The following KCNAB2 variants were observed in gnomAD, a reference collection of about 807,000 sequenced individuals.
KCNAB2 encodes potassium voltage-gated channel subfamily A regulatory beta subunit 2.
Under a neutral mutation model 63.6 loss-of-function variants are expected in KCNAB2, and 29 were observed. The ratio of observed to expected loss-of-function variants is 0.46; its 90% confidence interval spans 0.34 to 0.62. The LOEUF (loss-of-function observed/expected upper bound fraction) is 0.62. KCNAB2 is among the 20% of genes least tolerant of loss of function. KCNAB2 has a pLI of 0.01. For synonymous variants in KCNAB2, 222 were observed against 224.2 expected, an observed-to-expected ratio of 0.99 and a Z score of 0.09; for missense variants, 359 against 563.9, an observed-to-expected ratio of 0.64 and a Z score of 3.68.
chr1:6,067,648 C>T (rs1488843741), intron 2 of KCNAB2, among the ~76,000 whole-genome samples: 1 of 152,138 alleles, frequency 6.6e-6, no homozygotes, highest in East Asian at 1.9e-4. Context: ...TGAAAGTGTC[C>T]AATCCTCTAA....
At position 6,057,741 on chromosome 1, in the gene KCNAB2, G is replaced by A. The variant is rs141694734; in HGVS notation, c.218+5987G>A. ...GCCTCCCCCAGTTTCTGGTGGTGCCGGCAGGCCTGGGCATTCCTCAGCTTG... is the reference window on the plus strand; with the variant it reads ...GCCTCCCCCAGTTTCTGGTGGTGCCAGCAGGCCTGGGCATTCCTCAGCTTG... On this transcript the variant is annotated intron_variant, in intron 2 of 15. Coordinates refer to ENST00000378083, the MANE Select transcript of KCNAB2 (RefSeq NM_001199862.2). 7.6e-4 allele frequency among the ~76,000 whole-genome samples: 116 copies of A among 152,204 alleles called. 3 individuals carry two copies. The East Asian group carries it at 0.015, about 20-fold the overall frequency.
intron 2 of KCNAB2, among the ~76,000 whole-genome samples, chr1:6,054,330 G>A (rs1661631730): frequency 6.6e-6 from 1 of 152,056 alleles, no homozygotes; most frequent in Non-Finnish European, 1.5e-5. Context: ...AGCAAGGAAA[G>A]AATGAAGCAA....
chr1:5,994,020 C>T lies in KCNAB2; in HGVS notation c.-53+1232C>T, dbSNP rs997561172. Among the ~76,000 whole-genome samples, 1 of 152,200 alleles carries T rather than the reference C, an allele frequency of 6.6e-6. No individual in the cohort carries two copies. The highest frequency in any genetic ancestry group is 1.5e-5 in the Non-Finnish European group (1 of 68,040). ...TTGAACTGTGTCCAAGGGGAGATGA[C>T]ATAAGTAATAGCTCTTGGGGAAGTG... On this transcript the variant is annotated intron_variant, in intron 1 of 16. Transcript: ENST00000341524. The surrounding 1 kb of genome is among the most constrained non-coding windows in gnomAD (Gnocchi z 5.4).
rs150238560 is a variant in KCNAB2, at chr1:6,090,866, T to C, written c.601+391T>C. 2.0e-5 allele frequency among the ~76,000 whole-genome samples: 3 copies of C among 152,320 alleles called. No individual in the cohort carries two copies. In the East Asian group the frequency reaches 5.8e-4, roughly 29 times the overall value. On this transcript the variant is annotated intron_variant, in intron 9 of 15. Transcript: ENST00000378083. ...CTCCAATCACCATCCATTGGGAAGC[T>C]TGGGGGGACTTTTTTGCTCTGGGGG... is the stretch of plus-strand genomic sequence containing the variant.
At chr1:6,014,564 C>T (rs1658375265) in intron 1 of KCNAB2, among the ~76,000 whole-genome samples, 1 of 152,196 alleles carries the variant, frequency 6.6e-6, no homozygotes, top group South Asian at 2.1e-4. Flanking sequence ...CAGCAGCCTG[C>T]GTGGCTCGGC....
Position 6,071,577 on chromosome 1 carries a change from G to A in KCNAB2, c.219-1178G>A, listed in dbSNP as rs111254699. Among the ~76,000 whole-genome samples the A allele has an allele frequency of 9.2e-5, 14 of 152,304 alleles. No individual in the cohort carries two copies. The highest frequency in any genetic ancestry group is 1.7e-4 in the African/African-American group (7 of 41,574). On this transcript the variant is annotated intron_variant, in intron 2 of 15. Transcript: ENST00000378083. This position sits in a 1 kb window ranked among gnomAD's most constrained non-coding sequence, Gnocchi z 8.5. The stretch of plus-strand genomic sequence containing the variant: ...TGCCTGGGTGGGATCCAGCTCCTCC[G>A]CGTGCTGGGCAGGTATCGTAACGTG...
intron 1 of KCNAB2, among the ~76,000 whole-genome samples, chr1:6,039,330 T>C (rs1660309334): frequency 6.6e-6 from 1 of 151,998 alleles, no homozygotes; most frequent in Admixed American, 6.6e-5. Flanking sequence ...AGATTCACTT[T>C]GGAAATAGAA....
chr1:6,002,625 A>G (rs1004815515), intron 1 of KCNAB2, among the ~76,000 whole-genome samples: 1 of 152,158 alleles, frequency 6.6e-6, no homozygotes, highest in Non-Finnish European at 1.5e-5. Flanking sequence ...GTGGAGGTAA[A>G]TCCTTTGAAC....
chr1:6,089,168 C>T (rs1050271263), intron 8 of KCNAB2, 117 bp downstream of exon 8: 16 of 1,096,054 alleles, frequency 1.5e-5, no homozygotes, highest in Admixed American at 8.3e-5. Flanking sequence ...GGCCCAATCC[C>T]GGGGCACCCG....
upstream of KCNAB2, chr1:6,041,887 T>C: frequency 1.9e-6 from 3 of 1,613,406 alleles, no homozygotes; most frequent in South Asian, 1.1e-5. Context: ...TGAGTCTTCA[T>C]TCTCCCTAAA....
upstream of KCNAB2, among the ~76,000 whole-genome samples, chr1:6,029,461 T>C (rs569249752): frequency 1.1e-4 from 17 of 152,080 alleles, no homozygotes; most frequent in Non-Finnish European, 2.4e-4. Context: ...AAGAGCAGCT[T>C]CACCTGCCTT....
chr1:6,005,822 G>A (rs571381006), intron 1 of KCNAB2, among the ~76,000 whole-genome samples: 150 of 151,876 alleles, frequency 9.9e-4, no homozygotes, highest in African/African-American at 2.9e-3. Flanking sequence ...CAGGGACCAC[G>A]GGTGCTGTGA....
At chr1:6,063,825 A>G (rs906911327) in intron 2 of KCNAB2, among the ~76,000 whole-genome samples, 1 of 152,198 alleles carries the variant, frequency 6.6e-6, no homozygotes, top group African/African-American at 2.4e-5. Context: ...GCTATTGTGA[A>G]TAAGGCTGCT....
upstream of KCNAB2, among the ~76,000 whole-genome samples, chr1:6,042,844 C>CCG (rs1553122335): frequency 1.4e-3 from 39 of 28,618 alleles, 4 homozygotes; most frequent in Non-Finnish European, 2.3e-3. Context: ...CCACTCCCCA[C>CCG]CCCCCCCCCC....
At chr1:6,083,458 C>T (rs1038945516) in intron 5 of KCNAB2, among the ~76,000 whole-genome samples, 46 of 152,210 alleles carry the variant, frequency 3.0e-4, no homozygotes, top group African/African-American at 1.1e-3. Flanking sequence ...TTTAACTGGA[C>T]ACCCAGAGCT....
At chr1:6,014,235 G>T (rs1031828597) in intron 1 of KCNAB2, among the ~76,000 whole-genome samples, 5 of 152,176 alleles carry the variant, frequency 3.3e-5, no homozygotes, top group Non-Finnish European at 4.4e-5. Flanking sequence ...GTACTGGGAG[G>T]GCACTTCCTG....
At chr1:6,057,321 T>C (rs941532416) in intron 2 of KCNAB2, among the ~76,000 whole-genome samples, 4 of 152,042 alleles carry the variant, frequency 2.6e-5, no homozygotes, top group African/African-American at 9.7e-5. Flanking sequence ...AAGTACTTGG[T>C]TGGTTGCCAG....
chr1:6,071,388 A>G lies in KCNAB2; in HGVS notation c.219-1367A>G, dbSNP rs1557480614. Among the ~76,000 whole-genome samples, 1 of 152,128 alleles carries G rather than the reference A, an allele frequency of 6.6e-6. No individual in the cohort carries two copies. The highest frequency in any genetic ancestry group is 1.5e-5 in the Non-Finnish European group (1 of 68,004). On this transcript the variant is annotated intron_variant, in intron 2 of 15. Transcript: ENST00000378083. The surrounding 1 kb of genome is among the most constrained non-coding windows in gnomAD (Gnocchi z 8.5). ...CCAGATGCTGGCAGCTGGATTCCAC[A>G]AGGGAAGTGGAATCTGACCCCAGAT...
chr1:6,072,020 G>A (rs143061160), intron 2 of KCNAB2, among the ~76,000 whole-genome samples: 191 of 152,336 alleles, frequency 1.3e-3, no homozygotes, highest in African/African-American at 4.4e-3. Flanking sequence ...GTCCTCAGCA[G>A]AGGGCTGCCA....
Sources: gnomAD v4.1 joint callset for allele counts (sites outside exome capture counted in the v4.1 genomes callset) on GRCh38, gnomAD v4.1.1 for gene constraint, Gnocchi (gnomAD v3.1) non-coding constraint, MANE v1.5 for transcripts, NCBI Gene and HGNC (gene_info 2026-07-23, HGNC 2026-07-21) for gene names.